The following CTRC variants were observed in gnomAD, a reference collection of about 807,000 sequenced individuals.
CTRC encodes chymotrypsin-C.
In CTRC, 32 loss-of-function variants were observed where a neutral mutation model predicts 35.7. The ratio of observed to expected loss-of-function variants is 0.90; its 90% CI spans 0.68 to 1.20. CTRC has a LOEUF of 1.20. Among genes scored for constraint, CTRC ranks in the 50% most tolerant of loss-of-function variants. The probability of loss-of-function intolerance (pLI) is 0.00; values close to 1 mark genes in which losing one functional copy is unlikely to be tolerated. For synonymous variants in CTRC, 119 were observed against 149.5 expected (o/e 0.80, Z 1.49); for missense variants, 324 against 361.5 (o/e 0.90, Z 0.84).
intron 1 of CTRC, 132 bp downstream of exon 1, chr1:15,438,636 T>C: frequency 1.1e-6 from 1 of 952,270 alleles, no homozygotes; most frequent in Non-Finnish European, 1.7e-6. Context: ...TGGGTTCAGA[T>C]GCTACCAACC....
Position 15,446,629 on chromosome 1 carries a change from C to G in CTRC, c.*40C>G. On this transcript the variant is annotated 3_prime_UTR_variant, in exon 8 of 8. Coordinates refer to ENST00000375949, the MANE Select transcript of CTRC (RefSeq NM_007272.3). ...CGGCGGCAGCGAGTCCCTGCAACAG[C>G]AATAAACTTCCTTCTCCTCGGGCCA... is the stretch of plus-strand genomic sequence containing the variant. 6.2e-7 allele frequency: 1 copy of G among 1,613,304 alleles called. No homozygotes were observed. Among genetic ancestry groups the G allele is most frequent in the Non-Finnish European group, 8.5e-7 (1 of 1,179,240 alleles).
In CTRC at chr1:15,446,596, G is replaced by A. The variant is rs917364489; in HGVS notation, c.*7G>A. On this transcript the variant is annotated 3_prime_UTR_variant, in exon 8 of 8. Coordinates refer to ENST00000375949, the MANE Select transcript of CTRC (RefSeq NM_007272.3). ...CCAGAAAATGCAGCTGTGATTTGTT[G>A]CTGGGAGCGGCGGCAGCGAGTCCCT... 1.2e-6 allele frequency: 2 copies of A among 1,613,504 alleles called. No homozygotes were observed. Among genetic ancestry groups the A allele is most frequent in the African/African-American group, 1.3e-5 (1 of 74,912 alleles).
chr1:15,447,623 G>C lies in CTRC; in HGVS notation c.*1034G>C, dbSNP rs1267347042. 1 of 152,514 alleles carries C rather than the reference G, an allele frequency of 6.6e-6. No homozygotes were observed. The highest frequency in any genetic ancestry group is 1.5e-5 in the Non-Finnish European group (1 of 68,282). 9.4% of individuals were successfully genotyped at this position (152,514 alleles called of 1,614,324 possible). A position where few individuals can be genotyped will look rare whatever the true frequency, so the allele number is the denominator to read the frequency against. On this transcript the variant is annotated 3_prime_UTR_variant, in exon 8 of 8. Coordinates refer to ENST00000375949, the MANE Select transcript of CTRC (RefSeq NM_007272.3). ...CCAGGGGGATCAGACCCTGATGATA[G>C]GGGCCTCTGGCCTGGCCTGCTCCTG...
In CTRC at chr1:15,438,486, G is replaced by A. The variant is rs767349844; in HGVS notation, c.22G>A (p.Ala8Thr). The A allele has an allele frequency of 1.4e-5, 22 of 1,614,058 alleles. No individual in the cohort carries two copies. Among genetic ancestry groups the A allele is most frequent in the South Asian group, 8.8e-5 (8 of 91,092 alleles). ...AACCATGTTGGGCATCACTGTCCTCGCTGCGCTCTTGGCCTGTGGTAAGCG... is the reference window on the plus strand; with the variant it reads ...AACCATGTTGGGCATCACTGTCCTCACTGCGCTCTTGGCCTGTGGTAAGCG... MLGITVLAALLACASSCG... is the reference protein window; with the variant it reads MLGITVLTALLACASSCG... The change falls in exon 1 of 8, where the codon GCT (alanine) becomes ACT (threonine). Residue 8 changes from alanine to threonine, a missense_variant. Transcript: ENST00000375949.
intron 5 of CTRC, 83 bp downstream of exon 5, chr1:15,443,638 T>C: frequency 6.5e-7 from 1 of 1,549,600 alleles, no homozygotes. Context: ...CTTTGCCTTT[T>C]TGCCTTCACA....
At position 15,443,467 on chromosome 1, in the gene CTRC, C is replaced by T; in HGVS notation, c.405C>T (p.Asp135=). ...TTGCAGAGCATGTGGAGCTGAGTGACACCATCCAGGTGGCCTGCCTGCCAG... is the reference window on the plus strand; with the variant it reads ...TTGCAGAGCATGTGGAGCTGAGTGATACCATCCAGGTGGCCTGCCTGCCAG... The part of the protein sequence containing the change: ...IKLAEHVELS[D]TIQVACLPEK... The change falls in exon 5 of 8, where the codon GAC becomes GAT. Residue 135 remains aspartate (D), a synonymous_variant. Coordinates refer to ENST00000375949, the MANE Select transcript of CTRC (RefSeq NM_007272.3). 6.2e-7 allele frequency: 1 copy of T among 1,614,214 alleles called. No individual in the cohort carries two copies. Among genetic ancestry groups the T allele is most frequent in the Non-Finnish European group, 8.5e-7 (1 of 1,180,044 alleles).
At chr1:15,445,835 C>A (rs756754404) in intron 7 of CTRC, 86 bp downstream of exon 7, 28 of 1,477,932 alleles carry the variant, frequency 1.9e-5, no homozygotes, top group Non-Finnish European at 2.5e-5. Context: ...CTCATTCATG[C>A]GTTTATTCAT....
chr1:15,444,869 G>T (rs1708192979), intron 6 of CTRC, 118 bp downstream of exon 6: 1 of 1,315,128 alleles, frequency 7.6e-7, no homozygotes, highest in Admixed American at 1.9e-5. Flanking sequence ...GCCCTGGCTG[G>T]GCCCAGCAGG....
chr1:15,445,825 CTCATTCATGCGTTTATTCAT>C, intron 7 of CTRC, 76 bp downstream of exon 7: 1 of 1,526,038 alleles, frequency 6.6e-7, no homozygotes, highest in Non-Finnish European at 9.1e-7. Context: ...CACTCATTCA[CTCATTCATGCGTTTATTCAT>C]TCATTCATTT....
chr1:15,442,570 G>A lies in CTRC; in HGVS notation c.354G>A (p.Leu118=). ...HVHKRWNALL[L]RNDIALIKLA... ...ACAAGAGATGGAATGCCCTCCTGTT[G>A]CGGTGAGTGACAGACTGCCCATCCC... Residue 118 remains leucine (L), a splice_region_variant and synonymous_variant, in exon 4 of 8, where the codon TTG becomes TTA. Transcript: ENST00000375949. The A allele has an allele frequency of 1.2e-6, 2 of 1,614,010 alleles. No individual in the cohort carries two copies. The highest frequency in any genetic ancestry group is 1.7e-6 in the Non-Finnish European group (2 of 1,179,958).
At position 15,447,001 on chromosome 1, in the gene CTRC, T is replaced by C; in HGVS notation, c.*412T>C. 3.0e-6 allele frequency: 1 copy of C among 330,918 alleles called. No individual in the cohort carries two copies. Among genetic ancestry groups the C allele is most frequent in the Non-Finnish European group, 5.9e-6 (1 of 169,478 alleles). The allele number at this position is 330,918 out of a possible 1,614,324, so 20.5% of individuals were successfully genotyped here. A position where few individuals can be genotyped will look rare whatever the true frequency, so the allele number is the denominator to read the frequency against. The stretch of plus-strand genomic sequence containing the variant: ...CCGATCCTACCTCCACCGAGGGGCC[T>C]GGCAGGTCCTCACAGCCCCCCAGCA... On this transcript the variant is annotated 3_prime_UTR_variant, in exon 8 of 8. Coordinates refer to ENST00000375949, the MANE Select transcript of CTRC (RefSeq NM_007272.3).
At position 15,442,524 on chromosome 1, in the gene CTRC, G is replaced by A; in HGVS notation, c.308G>A (p.Gly103Asp). 2 of 1,614,104 alleles carry A rather than the reference G, an allele frequency of 1.2e-6. No individual in the cohort carries two copies. Among genetic ancestry groups the A allele is most frequent in the Middle Eastern group, 1.6e-4 (1 of 6,062 alleles). ...GACGAAGAAGGATCCCTGTTTGTGG[G>A]TGTGGACACCATCCACGTCCACAAG... ...VEDEEGSLFV[G>D]VDTIHVHKRW... Residue 103 changes from glycine (G) to aspartate (D), a missense_variant, in exon 4 of 8, where the codon GGT (glycine) becomes GAT (aspartate). Gly to Asp is a moderately conservative substitution (Grantham distance 94). Transcript: ENST00000375949.
intron 4 of CTRC, 76 bp downstream of exon 4, chr1:15,442,648 GC>G: frequency 1.9e-6 from 3 of 1,594,724 alleles, no homozygotes; most frequent in Non-Finnish European, 2.6e-6. Flanking sequence ...GAGCCGCAGA[GC>G]CTGTCGCACC....
rs1212795261 is a variant in CTRC, at chr1:15,443,525, T to A, written c.463T>A (p.Cys155Ser). Residue 155 changes from cysteine (C) to serine (S), a missense_variant, in exon 5 of 8, where the codon TGC (cysteine) becomes AGC (serine). By Grantham distance (112) the Cys-to-Ser change is moderately radical (BLOSUM62 -1). Coordinates refer to ENST00000375949, the MANE Select transcript of CTRC (RefSeq NM_007272.3). ...CTCCCTGCTCCCCAAGGACTACCCC[T>A]GCTATGTCACCGGCTGGGGCCGCCT... ...KDSLLPKDYP[C>S]YVTGWGRLWT... 6.2e-7 allele frequency: 1 copy of A among 1,614,218 alleles called. No homozygotes were observed. The highest frequency in any genetic ancestry group is 1.1e-5 in the South Asian group (1 of 91,090).
rs1336652395 is a variant in CTRC at position 15,438,524 on chromosome 1, T to G, written c.40+20T>G. The stretch of plus-strand genomic sequence containing the variant: ...CCTGTGGTAAGCGGTGGGGTGGGGC[T>G]GCAGCTAGCAGGCTGTGAGCTCGGG... On this transcript the variant is annotated intron_variant, in intron 1 of 7. Transcript: ENST00000375949. 3.1e-6 allele frequency: 5 copies of G among 1,613,806 alleles called. No homozygotes were observed. Among genetic ancestry groups the G allele is most frequent in the East Asian group, 4.5e-5 (2 of 44,892 alleles).
chr1:15,440,230 A>AAC, intron 1 of CTRC, 70 bp from the exon 2 acceptor site: 1 of 282,778 alleles, frequency 3.5e-6, no homozygotes, highest in South Asian at 2.3e-5. Flanking sequence ...CCACCTGCCC[A>AAC]CCCTCCCACC....
chr1:15,447,174 C>A lies in CTRC; in HGVS notation c.*585C>A, dbSNP rs1708235051. 1.0e-5 allele frequency: 2 copies of A among 193,184 alleles called. No individual in the cohort carries two copies. The highest frequency in any genetic ancestry group is 1.4e-4 in the East Asian group (1 of 7,304). 12.0% of individuals were successfully genotyped at this position (193,184 alleles called of 1,614,324 possible). A position where few individuals can be genotyped will look rare whatever the true frequency, so the allele number is the denominator to read the frequency against. On this transcript the variant is annotated 3_prime_UTR_variant, in exon 8 of 8. Transcript: ENST00000375949. ...CCCCACCCCCACCCCGCAGCACAGA[C>A]CCCATGGCTGCTGTTGGCAGGGGCT...
chr1:15,445,519 C>G lies in CTRC; in HGVS notation c.640-78C>G, dbSNP rs1372653513. Reference sequence around the variant, plus strand: ...GGCTGAGAAGCCAACCCACATCCCCCACCCCAACCCAGTCCTGCTTCCCAA... The same window carrying G: ...GGCTGAGAAGCCAACCCACATCCCCGACCCCAACCCAGTCCTGCTTCCCAA... On this transcript the variant is annotated intron_variant, in intron 6 of 7. Transcript: ENST00000375949. 6 of 1,500,096 alleles carry G rather than the reference C, an allele frequency of 4.0e-6. No homozygotes were observed. The Admixed American group carries it at 6.8e-5, about 17-fold the overall frequency. The allele number at this position is 1,500,096 out of a possible 1,614,324, so 92.9% of individuals were successfully genotyped here. A position where few individuals can be genotyped will look rare whatever the true frequency, so the allele number is the denominator to read the frequency against.
At position 15,447,195 on chromosome 1, in the gene CTRC, G is replaced by A. The variant is rs1413967765; in HGVS notation, c.*606G>A. On this transcript the variant is annotated 3_prime_UTR_variant, in exon 8 of 8. Coordinates refer to ENST00000375949, the MANE Select transcript of CTRC (RefSeq NM_007272.3). ...CAGACCCCATGGCTGCTGTTGGCAG[G>A]GGCTCTCTGCTTTGAGAAGTGTTTA... The A allele has an allele frequency of 1.1e-5, 2 of 181,978 alleles. No individual in the cohort carries two copies. Among genetic ancestry groups the A allele is most frequent in the Admixed American group, 1.1e-4 (2 of 18,562 alleles). 11.3% of individuals were successfully genotyped at this position (181,978 alleles called of 1,614,324 possible). A position where few individuals can be genotyped will look rare whatever the true frequency, so the allele number is the denominator to read the frequency against.
Sources: gnomAD v4.1 joint callset for allele counts on GRCh38, gnomAD v4.1.1 for gene constraint, MANE v1.5 for transcripts, NCBI Gene and HGNC (gene_info 2026-07-23, HGNC 2026-07-21) for gene names.